Variants in NAALADL2 observed in about 807,000 individuals in gnomAD.
The protein encoded by NAALADL2 is inactive N-acetylated-alpha-linked acidic dipeptidase-like protein 2.
In NAALADL2, 76 loss-of-function variants were observed where a neutral mutation model predicts 87.2. That is an observed-to-expected ratio of 0.87 (90% CI 0.72 to 1.05). The LOEUF (loss-of-function observed/expected upper bound fraction) is 1.05, where lower values mean the gene tolerates loss of function less well. Ranked by LOEUF, NAALADL2 falls within the 50% of genes least tolerant of loss-of-function variation. NAALADL2 has a pLI of 0.00. For missense variants in NAALADL2, 1,089 were observed against 945.8 expected, an observed-to-expected ratio of 1.15 and a Z score of -1.99; for synonymous variants, 354 against 331.0, an observed-to-expected ratio of 1.07 and a Z score of -0.75.
intron 9 of NAALADL2, among the ~76,000 whole-genome samples, chr3:175,485,800 C>T (rs1402742825): frequency 6.6e-6 from 1 of 152,164 alleles, no homozygotes; most frequent in African/African-American, 2.4e-5. Context: ...CTCACAGACA[C>T]ACCCAGAAAC....
chr3:174,940,687 T>G (rs866092712), intron 1 of NAALADL2, among the ~76,000 whole-genome samples: 2 of 152,204 alleles, frequency 1.3e-5, no homozygotes, highest in South Asian at 2.1e-4. Flanking sequence ...TGATTCAATT[T>G]TGGAGCTCAT....
At chr3:175,144,436 G>T (rs1326770473) in intron 2 of NAALADL2, among the ~76,000 whole-genome samples, 1 of 151,930 alleles carries the variant, frequency 6.6e-6, no homozygotes, top group African/African-American at 2.4e-5. Flanking sequence ...TATGAGTTAA[G>T]TTGAGTTTTG....
chr3:175,104,420 T>C (rs868539), intron 2 of NAALADL2, among the ~76,000 whole-genome samples: 68,752 of 151,950 alleles, frequency 0.45, 15,701 homozygotes, highest in East Asian at 0.52. Context: ...TGTACAAACA[T>C]AAGATGTTGC....
chr3:175,053,879 G>A (rs1012779287), intron 1 of NAALADL2, among the ~76,000 whole-genome samples: 10 of 152,174 alleles, frequency 6.6e-5, no homozygotes, highest in East Asian at 1.9e-4. Flanking sequence ...AAAATGTCTC[G>A]CATTAGATAT....
At chr3:175,439,780 A>G (rs543173085) in intron 5 of NAALADL2, among the ~76,000 whole-genome samples, 1 of 120,186 alleles carries the variant, frequency 8.3e-6, no homozygotes, top group East Asian at 2.3e-4. Context: ...TAGATTCTGG[A>G]TATTCGTACT....
intron 4 of NAALADL2, among the ~76,000 whole-genome samples, chr3:175,316,589 C>A (rs1759174582): frequency 6.6e-6 from 1 of 152,100 alleles, no homozygotes; most frequent in African/African-American, 2.4e-5. Context: ...TATCTCAAAC[C>A]CTAAGAGGTA....
At chr3:175,692,851 A>AT (rs1737230707) in intron 11 of NAALADL2, among the ~76,000 whole-genome samples, 1 of 152,072 alleles carries the variant, frequency 6.6e-6, no homozygotes, top group Admixed American at 6.5e-5. Flanking sequence ...AAGTCAGTTT[A>AT]TTTTTGGAGA....
At chr3:175,228,251 A>C (rs537741915) in intron 2 of NAALADL2, among the ~76,000 whole-genome samples, 1 of 152,078 alleles carries the variant, frequency 6.6e-6, no homozygotes, top group South Asian at 2.1e-4. Flanking sequence ...ACAAGTATCT[A>C]TTCTATTATG....
intron 2 of NAALADL2, among the ~76,000 whole-genome samples, chr3:175,105,587 C>T (rs898168304): frequency 2.1e-5 from 3 of 141,768 alleles, no homozygotes; most frequent in East Asian, 2.0e-4. Context: ...CACACACATA[C>T]ACAAATCCTA....
chr3:174,997,081 T>C (rs1016247684), intron 1 of NAALADL2, among the ~76,000 whole-genome samples: 6 of 150,554 alleles, frequency 4.0e-5, no homozygotes, highest in Non-Finnish European at 7.4e-5. Flanking sequence ...ATCCACTCGT[T>C]GGTCCATGAG....
chr3:175,768,293 A>G (rs983190702), intron 13 of NAALADL2, among the ~76,000 whole-genome samples: 2 of 152,124 alleles, frequency 1.3e-5, no homozygotes, highest in African/African-American at 4.8e-5. Context: ...TGGGGCTGGT[A>G]ATTTTACCAG....
At chr3:175,583,479 A>C in intron 10 of NAALADL2, among the ~76,000 whole-genome samples, 1 of 134,634 alleles carries the variant, frequency 7.4e-6, no homozygotes, top group Non-Finnish European at 1.6e-5. Context: ...ACAATCTGAA[A>C]GGATGAGCTG....
chr3:175,078,145 C>T (rs920496180), intron 1 of NAALADL2, among the ~76,000 whole-genome samples: 1 of 152,044 alleles, frequency 6.6e-6, no homozygotes, highest in South Asian at 2.1e-4. Context: ...CTGCCTCAGC[C>T]TCCTGAGTAG....
intron 2 of NAALADL2, among the ~76,000 whole-genome samples, chr3:175,098,263 T>C (rs970682780): frequency 2.0e-5 from 3 of 152,142 alleles, no homozygotes; most frequent in East Asian, 1.9e-4. Flanking sequence ...ATTGTTTACA[T>C]TGAGCTAAAA....
intron 2 of NAALADL2, among the ~76,000 whole-genome samples, chr3:174,735,501 T>C (rs993134645): frequency 6.6e-6 from 1 of 152,188 alleles, no homozygotes; most frequent in Non-Finnish European, 1.5e-5. Context: ...TTTAATCCTT[T>C]TTTCCCAAAG....
At chr3:175,045,746 G>A (rs1034956917) in intron 1 of NAALADL2, among the ~76,000 whole-genome samples, 2 of 152,150 alleles carry the variant, frequency 1.3e-5, no homozygotes, top group African/African-American at 4.8e-5. Flanking sequence ...CCCAAGCTTA[G>A]AGAACTAAAA....
chr3:174,832,641 A>G (rs980773335), intron 3 of NAALADL2, among the ~76,000 whole-genome samples: 7 of 151,568 alleles, frequency 4.6e-5, no homozygotes, highest in Admixed American at 1.3e-4. Flanking sequence ...TTGTTTTTGT[A>G]TTTTTTAGTA....
At chr3:175,458,459 A>G (rs1042866992) in intron 6 of NAALADL2, among the ~76,000 whole-genome samples, 2 of 138,610 alleles carry the variant, frequency 1.4e-5, no homozygotes, top group Admixed American at 7.8e-5. Context: ...TCAACAACAT[A>G]TATAGATATG....
intron 9 of NAALADL2, among the ~76,000 whole-genome samples, chr3:175,531,498 A>T (rs533896923): frequency 1.6e-4 from 24 of 152,348 alleles, no homozygotes; most frequent in Admixed American, 6.5e-4. Context: ...TCAGCATGTC[A>T]TCAGTGTAAT....
Sources: gnomAD v4.1 joint callset for allele counts (sites outside exome capture counted in the v4.1 genomes callset) on GRCh38, gnomAD v4.1.1 for gene constraint, MANE v1.5 for transcripts, NCBI Gene and HGNC (gene_info 2026-07-23, HGNC 2026-07-21) for gene names.